Variants in KSR2 observed in about 807,000 individuals in gnomAD.
KSR2 encodes kinase suppressor of ras 2.
KSR2 carries 25 observed loss-of-function variants against 107.8 expected under a neutral mutation model. That is an observed-to-expected ratio of 0.23 (90% confidence interval 0.17 to 0.32). The LOEUF (loss-of-function observed/expected upper bound fraction) is 0.32. KSR2 is among the 10% of genes least tolerant of loss of function. The probability of loss-of-function intolerance (pLI) is 1.00; values close to 1 mark genes in which losing one functional copy is unlikely to be tolerated. For missense variants in KSR2, 887 were observed against 1,268.9 expected (o/e 0.70, Z 4.57); for synonymous variants, 480 against 507.0 (o/e 0.95, Z 0.71).
intron 5 of KSR2, among the ~76,000 whole-genome samples, chr12:117,663,846 C>T (rs188320569): frequency 6.6e-6 from 1 of 152,146 alleles, no homozygotes; most frequent in Non-Finnish European, 1.5e-5. Context: ...AAGGAGCCCA[C>T]GAGCTTGCAG....
intron 3 of KSR2, among the ~76,000 whole-genome samples, chr12:117,832,848 A>G (rs1205113285): frequency 6.6e-6 from 1 of 152,220 alleles, no homozygotes; most frequent in Admixed American, 6.5e-5. Flanking sequence ...CTGGGACAAC[A>G]GGTCACTGCA....
At chr12:117,738,066 G>A (rs558142354) in intron 4 of KSR2, among the ~76,000 whole-genome samples, 1 of 152,238 alleles carries the variant, frequency 6.6e-6, no homozygotes, top group South Asian at 2.1e-4. Context: ...AACCCACGTT[G>A]TTATTGGGCA....
At chr12:117,657,911 A>G (rs754756646) in intron 5 of KSR2, among the ~76,000 whole-genome samples, 4 of 152,276 alleles carry the variant, frequency 2.6e-5, no homozygotes, top group Non-Finnish European at 4.4e-5. Flanking sequence ...AAATACTCAT[A>G]TAAGTACACA....
intron 5 of KSR2, among the ~76,000 whole-genome samples, chr12:117,622,127 C>T (rs776910733): frequency 6.6e-6 from 1 of 152,014 alleles, no homozygotes; most frequent in African/African-American, 2.4e-5. Context: ...AATTTGAGAC[C>T]ATTTTCATCA....
intron 1 of KSR2, among the ~76,000 whole-genome samples, chr12:117,958,542 C>T (rs1358360030): frequency 1.3e-5 from 2 of 151,924 alleles, no homozygotes; most frequent in Admixed American, 1.3e-4. Flanking sequence ...TGATGGGGGC[C>T]GGGCATGGTG....
At chr12:117,599,690 C>G (rs990870898) in intron 5 of KSR2, among the ~76,000 whole-genome samples, 2 of 152,006 alleles carry the variant, frequency 1.3e-5, no homozygotes, top group Admixed American at 1.3e-4. Flanking sequence ...TTCCAAATGT[C>G]CCTGGGGGTG....
intron 5 of KSR2, among the ~76,000 whole-genome samples, chr12:117,621,282 T>C (rs529376453): frequency 6.6e-6 from 1 of 152,332 alleles, no homozygotes; most frequent in South Asian, 2.1e-4. Flanking sequence ...TCCCCAGCCA[T>C]GCAGAGCTGT....
At chr12:117,737,748 A>G (rs1433141791) in intron 4 of KSR2, among the ~76,000 whole-genome samples, 1 of 140,814 alleles carries the variant, frequency 7.1e-6, no homozygotes, top group African/African-American at 2.7e-5. Flanking sequence ...ACATCACTGC[A>G]CTCCAGCCTG....
chr12:117,688,378 G>GA (rs1555227969), intron 4 of KSR2, among the ~76,000 whole-genome samples: 7 of 151,052 alleles, frequency 4.6e-5, no homozygotes, highest in Non-Finnish European at 8.9e-5. Flanking sequence ...CCTTGTCTCA[G>GA]AAAAAAAAAG....
chr12:117,682,885 G>A (rs186237363), intron 4 of KSR2, among the ~76,000 whole-genome samples: 1 of 152,236 alleles, frequency 6.6e-6, no homozygotes, highest in East Asian at 1.9e-4. Context: ...GGAGCAGGGT[G>A]GAGGTCATGA....
chr12:117,740,578 T>TATATGCATATATTACATATATA (rs1888166462), intron 4 of KSR2, among the ~76,000 whole-genome samples: 2 of 114,286 alleles, frequency 1.7e-5, no homozygotes, highest in Admixed American at 1.0e-4. Context: ...TAACATATAT[T>TATATGCATATATTACATATATA]ATATATGTAC....
intron 3 of KSR2, among the ~76,000 whole-genome samples, chr12:117,818,658 C>T (rs1370998723): frequency 2.6e-5 from 4 of 152,088 alleles, no homozygotes; most frequent in African/African-American, 4.8e-5. Context: ...TGGTTATTGT[C>T]GTTTCTAAGC....
intron 3 of KSR2, among the ~76,000 whole-genome samples, chr12:117,801,567 G>C (rs1890834305): frequency 6.6e-6 from 1 of 152,172 alleles, no homozygotes; most frequent in Non-Finnish European, 1.5e-5. Context: ...AGAAGGCAAA[G>C]AGAGAGCCAG....
At chr12:117,577,432 A>C (rs1286289421) in intron 7 of KSR2, among the ~76,000 whole-genome samples, 3 of 152,180 alleles carry the variant, frequency 2.0e-5, no homozygotes, top group Admixed American at 6.5e-5. Context: ...GGACTGAGCG[A>C]GGCACTGTGT....
intron 4 of KSR2, among the ~76,000 whole-genome samples, chr12:117,725,228 A>C (rs1216303485): frequency 6.6e-6 from 1 of 152,134 alleles, no homozygotes; most frequent in African/African-American, 2.4e-5. Flanking sequence ...AGCCCAGTGA[A>C]AGAGGGGAAG....
chr12:117,884,544 T>C (rs769075636), intron 1 of KSR2, among the ~76,000 whole-genome samples: 2 of 152,130 alleles, frequency 1.3e-5, no homozygotes, highest in African/African-American at 2.4e-5. Flanking sequence ...ACCAGCAAGC[T>C]CCACATATTA....
At chr12:117,741,562 C>T (rs1449171464) in intron 4 of KSR2, among the ~76,000 whole-genome samples, 1 of 151,990 alleles carries the variant, frequency 6.6e-6, no homozygotes, top group Non-Finnish European at 1.5e-5. Flanking sequence ...AAACCACTCA[C>T]TACAAAAAAT....
At chr12:117,891,668 AAACC>A (rs1477110297) in intron 1 of KSR2, among the ~76,000 whole-genome samples, 2 of 152,094 alleles carry the variant, frequency 1.3e-5, no homozygotes, top group Non-Finnish European at 1.5e-5. Flanking sequence ...CATGGGATGA[AAACC>A]AACCAACCAA....
In KSR2 at chr12:117,782,915, G is replaced by C. The variant is rs572290912; in HGVS notation, c.473-21391C>G. Among the ~76,000 whole-genome samples the C allele has an allele frequency of 2.0e-5, 3 of 152,238 alleles. No individual in the cohort carries two copies. In the East Asian group the frequency reaches 5.8e-4, roughly 29 times the overall value. On this transcript the variant is annotated intron_variant, in intron 3 of 19. Transcript: ENST00000339824. ...CATAGCAACATCCTGTGGGTAGAAT[G>C]GGGGACTACACATAATAATCGCAAA...
Sources: allele counts gnomAD v4.1 joint callset (sites outside exome capture counted in the v4.1 genomes callset), GRCh38; gene constraint gnomAD v4.1.1; transcripts MANE v1.5; gene names NCBI Gene and HGNC (gene_info 2026-07-23, HGNC 2026-07-21).